The following RUNX1T1 variants were observed in gnomAD, a reference collection of about 807,000 sequenced individuals.
RUNX1T1 encodes the protein RUNX1 partner transcriptional co-repressor 1.
In RUNX1T1, 4 loss-of-function variants were observed where a neutral mutation model predicts 62.8. That is an observed-to-expected ratio of 0.06 (90% CI 0.03 to 0.15). The LOEUF is 0.15. RUNX1T1 is among the 10% of genes least tolerant of loss of function. The pLI, the probability that RUNX1T1 is intolerant of heterozygous loss-of-function variation, is 1.00. For missense variants in RUNX1T1, 508 were observed against 754.3 expected, an observed-to-expected ratio of 0.67 and a Z score of 3.82; for synonymous variants, 291 against 286.0, an observed-to-expected ratio of 1.02 and a Z score of -0.18.
exon 2 of RUNX1T1, chr8:92,017,321 T>A (rs1302647489): frequency 2.5e-6 from 4 of 1,614,102 alleles, no homozygotes; most frequent in Non-Finnish European, 3.4e-6. Flanking sequence ...CGTCTTCACA[T>A]CCACAGGTGA....
intron 1 of RUNX1T1, chr8:92,095,155 T>C: frequency 2.0e-6 from 3 of 1,535,456 alleles, no homozygotes; most frequent in Non-Finnish European, 2.6e-6. Context: ...TCTTTAAATG[T>C]AAATTCTCTC....
intron 1 of RUNX1T1, among the ~76,000 whole-genome samples, chr8:92,045,401 T>A (rs1255924435): frequency 6.6e-6 from 1 of 152,168 alleles, no homozygotes; most frequent in Non-Finnish European, 1.5e-5. Flanking sequence ...GCAAGATGGA[T>A]CCTACTATTG....
intron 1 of RUNX1T1, among the ~76,000 whole-genome samples, chr8:92,079,704 A>C (rs1460010682): frequency 1.3e-5 from 2 of 152,192 alleles, no homozygotes; most frequent in East Asian, 3.9e-4. Context: ...TTCTTGCCTA[A>C]TCTCACATAC....
intron 1 of RUNX1T1, among the ~76,000 whole-genome samples, chr8:92,021,625 A>G (rs1824115840): frequency 6.6e-6 from 1 of 152,150 alleles, no homozygotes. Context: ...TTCTCAAGCA[A>G]GTTAGTTTTC....
downstream of RUNX1T1, chr8:91,956,438 C>T (rs1809398360): frequency 4.4e-6 from 1 of 228,546 alleles, no homozygotes. Context: ...ATGGACTCCT[C>T]AGGCTGGGGT....
At chr8:92,076,129 C>A (rs1401912307) in exon 2 of RUNX1T1, 75 of 1,539,918 alleles carry the variant, frequency 4.9e-5, no homozygotes, top group Non-Finnish European at 6.2e-5. Flanking sequence ...GCCCAGAGAT[C>A]AATCTTTTCT....
At chr8:92,078,931 T>G (rs1369963249) in intron 1 of RUNX1T1, among the ~76,000 whole-genome samples, 1 of 152,218 alleles carries the variant, frequency 6.6e-6, no homozygotes, top group Non-Finnish European at 1.5e-5. Flanking sequence ...TCATATGGCC[T>G]TGGCAAATCA....
intron 1 of RUNX1T1, among the ~76,000 whole-genome samples, chr8:92,018,935 T>C (rs532244848): frequency 6.6e-6 from 1 of 152,222 alleles, no homozygotes; most frequent in African/African-American, 2.4e-5. Context: ...GATGTCCCTA[T>C]AGTGAATAAA....
At chr8:91,983,126 G>C (rs1815776515) in intron 8 of RUNX1T1, among the ~76,000 whole-genome samples, 1 of 151,098 alleles carries the variant, frequency 6.6e-6, no homozygotes, top group Non-Finnish European at 1.5e-5. Flanking sequence ...GTAGAGAAGG[G>C]GTTTCACCAT....
intron 5 of RUNX1T1, among the ~76,000 whole-genome samples, chr8:91,993,471 G>A (rs1447654382): frequency 6.6e-6 from 1 of 151,794 alleles, no homozygotes; most frequent in Non-Finnish European, 1.5e-5. Flanking sequence ...CACTATTATG[G>A]AGCGGGCAGG....
At chr8:92,050,811 C>A (rs1156677576) in intron 1 of RUNX1T1, among the ~76,000 whole-genome samples, 1 of 152,158 alleles carries the variant, frequency 6.6e-6, no homozygotes, top group Non-Finnish European at 1.5e-5. Flanking sequence ...TAGCTTAACC[C>A]TCTGATGGCT....
intron 1 of RUNX1T1, chr8:92,017,720 C>T (rs1364703681): frequency 1.4e-5 from 13 of 941,292 alleles, no homozygotes; most frequent in African/African-American, 1.7e-5. Flanking sequence ...TGATAATGAA[C>T]CCCTCATGAC....
intron 1 of RUNX1T1, among the ~76,000 whole-genome samples, chr8:92,041,261 G>C (rs1297133813): frequency 6.6e-6 from 1 of 152,128 alleles, no homozygotes; most frequent in Non-Finnish European, 1.5e-5. Context: ...CCCATGCTCC[G>C]GGTTTAACTA....
At chr8:92,044,306 C>T (rs1482045875) in intron 1 of RUNX1T1, among the ~76,000 whole-genome samples, 1 of 152,182 alleles carries the variant, frequency 6.6e-6, no homozygotes, top group Non-Finnish European at 1.5e-5. Context: ...AATAAACAAG[C>T]TGTAACTGAC....
intron 8 of RUNX1T1, among the ~76,000 whole-genome samples, chr8:91,976,869 G>GA (rs1300619721): frequency 6.6e-6 from 1 of 152,128 alleles, no homozygotes; most frequent in Non-Finnish European, 1.5e-5. Flanking sequence ...AGTTCGGTAA[G>GA]AAAAAAATCA....
chr8:92,003,209 A>G (rs1820092076), intron 5 of RUNX1T1: 1 of 378,206 alleles, frequency 2.6e-6, no homozygotes, highest in Non-Finnish European at 5.4e-6. Context: ...TGATGCATGC[A>G]CAGCGACAGA....
chr8:92,014,702 G>A, exon 3 of RUNX1T1: 2 of 1,614,038 alleles, frequency 1.2e-6, no homozygotes, highest in Non-Finnish European at 1.7e-6. Context: ...CACAGGCTGG[G>A]GGCAGCTGTT....
intron 1 of RUNX1T1, among the ~76,000 whole-genome samples, chr8:92,048,589 G>A (rs1333065867): frequency 6.6e-6 from 1 of 151,918 alleles, no homozygotes; most frequent in African/African-American, 2.4e-5. Flanking sequence ...AGGGAGGGGT[G>A]GGGAAAAGTA....
At chr8:92,087,807 A>G (rs897000115) in intron 1 of RUNX1T1, among the ~76,000 whole-genome samples, 3 of 152,206 alleles carry the variant, frequency 2.0e-5, no homozygotes, top group Non-Finnish European at 4.4e-5. Flanking sequence ...GACTTTCTTT[A>G]TAAGTAGTCA....
Sources: allele counts gnomAD v4.1 joint callset (sites outside exome capture counted in the v4.1 genomes callset), GRCh38; gene constraint gnomAD v4.1.1; transcripts MANE v1.5; gene names NCBI Gene and HGNC (gene_info 2026-07-23, HGNC 2026-07-21).